The following HS6ST3 variants were observed in gnomAD, a reference collection of about 807,000 sequenced individuals.
The protein encoded by HS6ST3 is heparan sulfate 6-O-sulfotransferase 3, also known as heparan-sulfate 6-O-sulfotransferase 3.
Under a neutral mutation model 36.7 loss-of-function variants are expected in HS6ST3, and 12 were observed. That is an observed-to-expected ratio of 0.33 (90% CI 0.21 to 0.53). The LOEUF (loss-of-function observed/expected upper bound fraction) is 0.53. HS6ST3 is among the 20% of genes least tolerant of loss of function. The pLI, the probability that HS6ST3 is intolerant of heterozygous loss-of-function variation, is 0.95. For missense variants in HS6ST3, 584 were observed against 640.9 expected (o/e 0.91, Z 0.96); for synonymous variants, 240 against 257.5 (o/e 0.93, Z 0.65).
intron 1 of HS6ST3, among the ~76,000 whole-genome samples, chr13:96,100,681 G>GTCCATT (rs1036460831): frequency 7.2e-5 from 11 of 152,164 alleles, no homozygotes; most frequent in Non-Finnish European, 1.2e-4. Context: ...CCTCCCACCT[G>GTCCATT]TCCATTTCCT....
At chr13:96,643,973 G>A (rs1244236313) in intron 1 of HS6ST3, among the ~76,000 whole-genome samples, 1 of 151,804 alleles carries the variant, frequency 6.6e-6, no homozygotes, top group Non-Finnish European at 1.5e-5. Context: ...TGGGTTAATG[G>A]CTAGAGTTAT....
chr13:96,716,604 G>A (rs2138465262), intron 1 of HS6ST3, among the ~76,000 whole-genome samples: 1 of 152,110 alleles, frequency 6.6e-6, no homozygotes, highest in African/African-American at 2.4e-5. Flanking sequence ...TATTATCTAT[G>A]ATCTATCAAT....
At chr13:96,773,286 C>G (rs1324258996) in intron 1 of HS6ST3, among the ~76,000 whole-genome samples, 1 of 152,138 alleles carries the variant, frequency 6.6e-6, no homozygotes, top group South Asian at 2.1e-4. Flanking sequence ...TTTTTTCATA[C>G]CCCAGTAGCG....
At chr13:96,108,581 C>T (rs1379742892) in intron 1 of HS6ST3, among the ~76,000 whole-genome samples, 2 of 152,130 alleles carry the variant, frequency 1.3e-5, no homozygotes, top group African/African-American at 2.4e-5. Context: ...AACCTGCCAA[C>T]ATGTGATGTC....
intron 1 of HS6ST3, among the ~76,000 whole-genome samples, chr13:96,139,246 A>G (rs1235581893): frequency 1.3e-5 from 2 of 152,084 alleles, no homozygotes; most frequent in African/African-American, 2.4e-5. Context: ...GTTAATAACT[A>G]TGGTATGTGA....
intron 1 of HS6ST3, among the ~76,000 whole-genome samples, chr13:96,123,021 T>A (rs542255252): frequency 7.9e-5 from 12 of 152,312 alleles, no homozygotes; most frequent in South Asian, 2.1e-4. Flanking sequence ...AGTTTTACCC[T>A]AGGACTTGGT....
At chr13:96,344,866 A>G (rs2055146335) in intron 1 of HS6ST3, among the ~76,000 whole-genome samples, 1 of 152,204 alleles carries the variant, frequency 6.6e-6, no homozygotes, top group Admixed American at 6.5e-5. Context: ...TAGATGAGAA[A>G]TCTTATGACA....
intron 1 of HS6ST3, among the ~76,000 whole-genome samples, chr13:96,169,030 A>T (rs1028774499): frequency 6.6e-6 from 1 of 152,204 alleles, no homozygotes; most frequent in Admixed American, 6.5e-5. Flanking sequence ...GGGCTGAAAC[A>T]GGCATGGTCA....
At chr13:96,409,029 TGAATA>T (rs1393637617) in intron 1 of HS6ST3, among the ~76,000 whole-genome samples, 1 of 151,998 alleles carries the variant, frequency 6.6e-6, no homozygotes, top group African/African-American at 2.4e-5. Context: ...AAAAAAGAAA[TGAATA>T]GAAACACCCA....
At chr13:96,752,982 A>T (rs1566445331) in intron 1 of HS6ST3, among the ~76,000 whole-genome samples, 1 of 152,248 alleles carries the variant, frequency 6.6e-6, no homozygotes, top group African/African-American at 2.4e-5. Context: ...TGTTTCCCCC[A>T]CATATCGCTG....
chr13:96,305,504 A>G (rs1431900687), intron 1 of HS6ST3, among the ~76,000 whole-genome samples: 1 of 152,226 alleles, frequency 6.6e-6, no homozygotes, highest in Non-Finnish European at 1.5e-5. Context: ...TAGGATCTGT[A>G]CAGATTTTAC....
intron 1 of HS6ST3, among the ~76,000 whole-genome samples, chr13:96,322,047 C>A (rs79960694): frequency 6.6e-6 from 1 of 152,082 alleles, no homozygotes; most frequent in Non-Finnish European, 1.5e-5. Flanking sequence ...TTCCCATCAT[C>A]TCCTCTATCC....
At position 96,159,100 on chromosome 13, in the gene HS6ST3, G is replaced by C. The variant is rs994013196; in HGVS notation, c.707+67531G>C. 4.6e-5 allele frequency among the ~76,000 whole-genome samples: 7 copies of C among 152,150 alleles called. No individual in the cohort carries two copies. The East Asian group carries it at 5.8e-4, about 13-fold the overall frequency. On this transcript the variant is annotated intron_variant, in intron 1 of 1. Coordinates refer to ENST00000376705, the MANE Select transcript of HS6ST3 (RefSeq NM_153456.4). ...AAGCCAGGAAGGAGGGAGCAGTTGG[G>C]GGTACAGACAGAGGGGAAGGAGTAT...
intron 1 of HS6ST3, among the ~76,000 whole-genome samples, chr13:96,456,957 T>C (rs2055757183): frequency 6.6e-6 from 1 of 152,146 alleles, no homozygotes; most frequent in Admixed American, 6.5e-5. Flanking sequence ...TTCTGAACTT[T>C]TACTATAGCA....
At chr13:96,411,194 A>G (rs1470148249) in intron 1 of HS6ST3, among the ~76,000 whole-genome samples, 1 of 152,104 alleles carries the variant, frequency 6.6e-6, no homozygotes, top group African/African-American at 2.4e-5. Context: ...GAAAGGAATA[A>G]CCTCTTAGCC....
intron 1 of HS6ST3, among the ~76,000 whole-genome samples, chr13:96,280,614 A>T (rs2389631): frequency 6.6e-6 from 1 of 151,974 alleles, no homozygotes; most frequent in Non-Finnish European, 1.5e-5. Flanking sequence ...ATCAATATAA[A>T]ATGAGTTATG....
At chr13:96,306,109 T>TC (rs1163725250) in intron 1 of HS6ST3, among the ~76,000 whole-genome samples, 21 of 144,496 alleles carry the variant, frequency 1.5e-4, no homozygotes, top group Non-Finnish European at 2.4e-4. Context: ...TCTTTTTCTT[T>TC]TTTTTTTTTT....
intron 1 of HS6ST3, among the ~76,000 whole-genome samples, chr13:96,575,746 T>G (rs1488067420): frequency 1.3e-5 from 2 of 152,252 alleles, no homozygotes; most frequent in African/African-American, 4.8e-5. Flanking sequence ...TTTCCATGTT[T>G]CTGTCAGCAA....
intron 1 of HS6ST3, among the ~76,000 whole-genome samples, chr13:96,198,064 A>G (rs546349873): frequency 3.9e-5 from 6 of 152,310 alleles, no homozygotes; most frequent in South Asian, 2.1e-4. Flanking sequence ...CCAAACCTCA[A>G]TTCTTGACTT....
Sources: gnomAD v4.1 joint callset for allele counts (sites outside exome capture counted in the v4.1 genomes callset) on GRCh38, gnomAD v4.1.1 for gene constraint, MANE v1.5 for transcripts, NCBI Gene and HGNC (gene_info 2026-07-23, HGNC 2026-07-21) for gene names.